The following NRG1 variants were observed in gnomAD, a reference collection of about 807,000 sequenced individuals.
The protein encoded by NRG1 is neuregulin 1, also known as pro-neuregulin-1, membrane-bound isoform.
Under a neutral mutation model 63.8 loss-of-function variants are expected in NRG1, and 18 were observed. The observed-to-expected ratio is 0.28, with a 90% CI of 0.19 to 0.42. The LOEUF (loss-of-function observed/expected upper bound fraction) is 0.42. NRG1 is among the 10% of genes least tolerant of loss of function. The probability of loss-of-function intolerance (pLI) is 1.00; values close to 1 mark genes in which losing one functional copy is unlikely to be tolerated. For missense variants in NRG1, 762 were observed against 814.7 expected (o/e 0.94, Z 0.79); for synonymous variants, 302 against 301.3 (o/e 1.00, Z -0.02).
chr8:31,671,005 T>C (rs1563276531), intron 1 of NRG1, among the ~76,000 whole-genome samples: 1 of 152,214 alleles, frequency 6.6e-6, no homozygotes, highest in African/African-American at 2.4e-5. Context: ...CCCATCTTTA[T>C]ATCCAAGTGT....
chr8:31,883,115 G>T (rs1830474204), intron 1 of NRG1, among the ~76,000 whole-genome samples: 1 of 151,966 alleles, frequency 6.6e-6, no homozygotes, highest in Non-Finnish European at 1.5e-5. Context: ...AAATTTCATT[G>T]TTGTCTTTAA....
intron 1 of NRG1, among the ~76,000 whole-genome samples, chr8:32,276,891 A>G (rs1225624019): frequency 6.6e-6 from 1 of 152,184 alleles, no homozygotes; most frequent in African/African-American, 2.4e-5. Flanking sequence ...TGCAGGTGGG[A>G]CAGCCACAAC....
intron 1 of NRG1, among the ~76,000 whole-genome samples, chr8:32,316,472 CAAA>C (rs60206972): frequency 4.6e-4 from 57 of 125,222 alleles, no homozygotes; most frequent in Admixed American, 7.4e-4. Context: ...GAGACTCCAT[CAAA>C]AAAAAAAAAA....
At chr8:32,178,730 G>A (rs1316274059) in intron 1 of NRG1, among the ~76,000 whole-genome samples, 1 of 152,164 alleles carries the variant, frequency 6.6e-6, no homozygotes, top group African/African-American at 2.4e-5. Context: ...CTATGTGGTG[G>A]TGGCATTGGT....
rs371039140 is a variant in NRG1, at chr8:32,352,961, T to TATATATAG, written c.38-242866_38-242865insTATATAGA. Among the ~76,000 whole-genome samples, 14 of 148,100 alleles carry TATATATAG rather than the reference T, an allele frequency of 9.5e-5. No individual in the cohort carries two copies. The South Asian group carries it at 3.0e-3, about 31-fold the overall frequency. On this transcript the variant is annotated intron_variant, in intron 1 of 10. Coordinates refer to the NRG1 transcript ENST00000519301. ...ATATGTGTGTGTGTATATATATATA[T>TATATATAG]ACAGAGAGAGAGAGACAGAGAGAGA...
chr8:31,657,232 A>G (rs1415654732), intron 1 of NRG1, among the ~76,000 whole-genome samples: 1 of 152,242 alleles, frequency 6.6e-6, no homozygotes, highest in Non-Finnish European at 1.5e-5. Flanking sequence ...GGTTTTTCCT[A>G]ATTTTAATAC....
intron 1 of NRG1, among the ~76,000 whole-genome samples, chr8:32,254,166 G>A (rs940154749): frequency 6.6e-6 from 1 of 152,006 alleles, no homozygotes; most frequent in African/African-American, 2.4e-5. Flanking sequence ...ATTTTTTAAA[G>A]GGTTTTTCAT....
chr8:32,018,582 A>G (rs538455270), intron 1 of NRG1, among the ~76,000 whole-genome samples: 10 of 152,196 alleles, frequency 6.6e-5, no homozygotes, highest in African/African-American at 2.4e-4. Flanking sequence ...TTTTATTTTC[A>G]TCTATTTTCT....
chr8:32,606,115 G>A (rs997976832), intron 3 of NRG1, among the ~76,000 whole-genome samples: 2 of 148,560 alleles, frequency 1.3e-5, no homozygotes, highest in Non-Finnish European at 3.0e-5. Flanking sequence ...CGTTATATAT[G>A]TATATATGTT....
intron 1 of NRG1, among the ~76,000 whole-genome samples, chr8:31,808,719 A>G (rs1380207347): frequency 1.3e-5 from 2 of 152,076 alleles, no homozygotes; most frequent in South Asian, 4.1e-4. Context: ...TCTTGTCTTG[A>G]ACAGGACTTC....
At chr8:31,813,516 C>CTTTTCTTTTCTTTTCTTTTTTTTTTTTTT in intron 1 of NRG1, among the ~76,000 whole-genome samples, 4 of 101,210 alleles carry the variant, frequency 4.0e-5, no homozygotes, top group Non-Finnish European at 7.8e-5. Flanking sequence ...CTTTTCTTTT[C>CTTTTCTTTTCTTTTCTTTTTTTTTTTTTT]TTTTTTTTTT....
At chr8:31,926,878 T>G (rs952794973) in intron 1 of NRG1, among the ~76,000 whole-genome samples, 3 of 152,172 alleles carry the variant, frequency 2.0e-5, no homozygotes, top group Admixed American at 2.0e-4. Flanking sequence ...TTTCTGGGTC[T>G]TGGTATCTGG....
intron 1 of NRG1, among the ~76,000 whole-genome samples, chr8:32,177,794 T>A (rs965705428): frequency 6.6e-6 from 1 of 152,120 alleles, no homozygotes; most frequent in African/African-American, 2.4e-5. Flanking sequence ...GTGGGCTGAT[T>A]TAAATGATTT....
intron 1 of NRG1, among the ~76,000 whole-genome samples, chr8:32,518,886 G>C (rs1319768966): frequency 6.6e-6 from 1 of 152,204 alleles, no homozygotes; most frequent in Non-Finnish European, 1.5e-5. Flanking sequence ...TTAATGGAGA[G>C]ATTTAATTTC....
chr8:31,734,339 A>T (rs1204342048), intron 1 of NRG1, among the ~76,000 whole-genome samples: 1 of 152,122 alleles, frequency 6.6e-6, no homozygotes, highest in East Asian at 1.9e-4. Context: ...AAAATAAAGA[A>T]ATAGAGTACA....
chr8:32,769,862 G>A (rs1452708498), downstream of NRG1, among the ~76,000 whole-genome samples: 5 of 152,082 alleles, frequency 3.3e-5, no homozygotes, highest in Non-Finnish European at 7.4e-5. Context: ...GTCTTCTCTG[G>A]GTAGCTATTG....
intron 1 of NRG1, among the ~76,000 whole-genome samples, chr8:32,079,035 C>T (rs1020233571): frequency 2.6e-5 from 4 of 152,000 alleles, no homozygotes; most frequent in Non-Finnish European, 4.4e-5. Context: ...TTGCTTAGAA[C>T]TGAACTTAAA....
chr8:32,424,290 T>C (rs557323003), intron 1 of NRG1, among the ~76,000 whole-genome samples: 16 of 152,226 alleles, frequency 1.1e-4, no homozygotes, highest in African/African-American at 3.6e-4. Context: ...TGTGAGCAGG[T>C]CACTCAGCCT....
chr8:31,775,609 C>A (rs144882661), intron 1 of NRG1, among the ~76,000 whole-genome samples: 1 of 151,996 alleles, frequency 6.6e-6, no homozygotes, highest in Non-Finnish European at 1.5e-5. Flanking sequence ...ATACTTTGGC[C>A]GGGTGCGGTG....
Sources: gnomAD v4.1 joint callset for allele counts (sites outside exome capture counted in the v4.1 genomes callset) on GRCh38, gnomAD v4.1.1 for gene constraint, MANE v1.5 for transcripts, NCBI Gene and HGNC (gene_info 2026-07-23, HGNC 2026-07-21) for gene names.